Variants in NBPF9 observed in about 807,000 individuals in gnomAD.
NBPF9 encodes NBPF member 9, also known as NBPF family member NBPF9.
In NBPF9, 91 loss-of-function variants were observed where a neutral mutation model predicts 97.8. The observed-to-expected ratio is 0.93, with a 90% CI of 0.79 to 1.11. NBPF9 has a LOEUF of 1.11. NBPF9 is among the 50% of genes least tolerant of loss of function. The pLI is 0.00. For synonymous variants in NBPF9, 334 were observed against 359.5 expected (o/e 0.93, Z 0.80); for missense variants, 992 against 939.5 (o/e 1.06, Z -0.73).
At chr1:149,059,529 G>A (rs2152866333) in intron 25 of NBPF9, 171 bp downstream of exon 25, 3 of 421,774 alleles carry the variant, frequency 7.1e-6, no homozygotes, top group East Asian at 6.8e-5. Context: ...ATGATAAGGG[G>A]AGGAAGAAAT....
chr1:149,076,812 CTTA>C (rs2079914766), intron 11 of NBPF9, among the ~76,000 whole-genome samples: 1 of 151,598 alleles, frequency 6.6e-6, no homozygotes, highest in African/African-American at 2.4e-5. Flanking sequence ...CCAGCCGAGA[CTTA>C]TTAATAGCTA....
intron 14 of NBPF9, among the ~76,000 whole-genome samples, chr1:149,072,036 A>C (rs322067): frequency 0.18 from 23,703 of 132,300 alleles, 1,944 homozygotes; most frequent in East Asian, 0.39. Context: ...TTTCAAACCT[A>C]ATTCTTTCTC....
At chr1:149,099,999 T>A (rs1553245603) in intron 3 of NBPF9, among the ~76,000 whole-genome samples, 6 of 143,906 alleles carry the variant, frequency 4.2e-5, no homozygotes, top group South Asian at 2.3e-4. Flanking sequence ...AAAAAAAAAA[T>A]GGTTCGATGT....
Position 149,055,954 on chromosome 1 carries a change from GC to G in NBPF9, c.3093-56del, listed in dbSNP as rs1341687041. ...GCCAGGGAAAATCAGACACCACAGA[GC>G]CCCACTAGATTTCAGAAGTAACATA... On this transcript the variant is annotated intron_variant, in intron 29 of 29. Coordinates refer to ENST00000584027, the Ensembl canonical transcript of NBPF9. 11 of 1,611,568 alleles carry G rather than the reference GC, an allele frequency of 6.8e-6. No individual in the cohort carries two copies. In the African/African-American group the frequency reaches 1.5e-4, roughly 22 times the overall value.
intron 9 of NBPF9, among the ~76,000 whole-genome samples, 154 bp downstream of exon 9, chr1:149,078,853 T>C (rs1417074381): frequency 6.6e-6 from 1 of 151,150 alleles, no homozygotes; most frequent in Non-Finnish European, 1.5e-5. Flanking sequence ...GTTTCCCATC[T>C]CTGTTCTTAC....
chr1:149,062,386 G>A (rs2078675135), intron 21 of NBPF9, 121 bp from the exon 22 acceptor site: 3 of 666,852 alleles, frequency 4.5e-6, no homozygotes, highest in East Asian at 2.7e-5. Context: ...ATCCATTAAT[G>A]AGGTAATGAA....
At chr1:149,062,227 A>G (rs781829106) in exon 22 of NBPF9, 7 of 958,534 alleles carry the variant, frequency 7.3e-6, no homozygotes, top group Admixed American at 1.7e-5. Context: ...GTCCTGCAAG[A>G]CTTCAGGCTC....
At chr1:149,084,568 C>T (rs9441102) in intron 5 of NBPF9, among the ~76,000 whole-genome samples, 3 of 150,186 alleles carry the variant, frequency 2.0e-5, no homozygotes, top group Non-Finnish European at 3.0e-5. Flanking sequence ...CCAGCAGCAG[C>T]GACCAGAGGA....
exon 20 of NBPF9, chr1:149,063,635 T>G (rs1553650695): frequency 4.9e-6 from 3 of 612,398 alleles, no homozygotes; most frequent in Non-Finnish European, 8.5e-6. Context: ...GTACTCACCA[T>G]CCATGTCAAC....
exon 7 of NBPF9, chr1:149,082,029 G>C (rs1553656917): frequency 6.2e-7 from 1 of 1,609,982 alleles, no homozygotes; most frequent in East Asian, 2.2e-5. Context: ...TCTCTTTGAG[G>C]TTTCCGAACT....
At position 149,097,399 on chromosome 1, in the gene NBPF9, A is replaced by G. The variant is rs541431; in HGVS notation, c.-337+1039T>C. Among the ~76,000 whole-genome samples the G allele has an allele frequency of 3.3e-3, 497 of 152,268 alleles. 8 individuals carry two copies. The highest frequency in any genetic ancestry group is 0.011 in the African/African-American group (466 of 41,538). ...ATTCCTCTGGCCCACTGTTGCCAGA[A>G]ACACTGAGTCTTGTCTTTGGATAAG... On this transcript the variant is annotated intron_variant, in intron 4 of 29. Coordinates refer to ENST00000584027, the Ensembl canonical transcript of NBPF9.
intron 5 of NBPF9, among the ~76,000 whole-genome samples, chr1:149,083,088 G>A (rs1377598441): frequency 1.3e-5 from 2 of 150,522 alleles, no homozygotes; most frequent in Non-Finnish European, 2.9e-5. Context: ...GATTACAGGC[G>A]TGAGCCACCG....
chr1:149,068,136 T>A (rs1329449708), intron 17 of NBPF9, among the ~76,000 whole-genome samples: 3 of 148,196 alleles, frequency 2.0e-5, no homozygotes, highest in African/African-American at 7.6e-5. Flanking sequence ...GCACTAAACA[T>A]GGAAAGGAAC....
At chr1:149,055,811 C>G in exon 30 of NBPF9, 2 of 1,610,344 alleles carry the variant, frequency 1.2e-6, no homozygotes, top group Non-Finnish European at 1.7e-6. Flanking sequence ...TCAGGTAGTT[C>G]AAAGTACATT....
At position 149,059,620 on chromosome 1, in the gene NBPF9, C is replaced by A; in HGVS notation, c.2585+80G>T. ...TCAGCCTTCGTTGAAAACGTGACAT[C>A]AAACACACTCTGGTTTCCCTGAATC... On this transcript the variant is annotated intron_variant, in intron 25 of 29. Transcript: ENST00000584027. 3 of 535,146 alleles carry A rather than the reference C, an allele frequency of 5.6e-6. No homozygotes were observed. The East Asian group carries it at 7.7e-5, about 14-fold the overall frequency. The allele number at this position is 535,146 out of a possible 1,614,324, so 33.1% of individuals were successfully genotyped here.
chr1:149,054,058 C>T (rs1369008218), exon 30 of NBPF9: 4 of 150,138 alleles, frequency 2.7e-5, no homozygotes, highest in Non-Finnish European at 4.4e-5. Flanking sequence ...TTTATTAATT[C>T]GCATCAGTAC....
At chr1:149,087,031 C>T (rs1458892785) in intron 5 of NBPF9, among the ~76,000 whole-genome samples, 8 of 151,942 alleles carry the variant, frequency 5.3e-5, no homozygotes, top group African/African-American at 1.7e-4. Context: ...TCCTCACCAA[C>T]AGGTGCTATT....
chr1:149,062,341 T>A lies in NBPF9; in HGVS notation c.2079-76A>T, dbSNP rs587599084. On this transcript the variant is annotated intron_variant, in intron 21 of 29. Transcript: ENST00000584027. ...CACAGCCCCAGCTAGATTTCATGGC[T>A]AACATAAGGAACTGTTTAAAAAGAA... The A allele has an allele frequency of 7.7e-5, 47 of 613,344 alleles. 1 individual carries two copies. In the African/African-American group the frequency reaches 8.7e-4, roughly 11 times the overall value. The allele number at this position is 613,344 out of a possible 1,614,324, so 38.0% of individuals were successfully genotyped here.
At position 149,079,356 on chromosome 1, in the gene NBPF9, G is replaced by A. The variant is rs2080201874; in HGVS notation, c.279-135C>T. ...AAGGTCAGCACATGTTGAAAGGAAT[G>A]TCTGTGGCCAAGAGAAAGAATAGAA... On this transcript the variant is annotated intron_variant, in intron 8 of 29. Transcript: ENST00000584027. 13 of 912,926 alleles carry A rather than the reference G, an allele frequency of 1.4e-5. No homozygotes were observed. In the East Asian group the frequency reaches 3.2e-4, roughly 22 times the overall value. The allele number at this position is 912,926 out of a possible 1,614,324, so 56.6% of individuals were successfully genotyped here.
Sources: gnomAD v4.1 joint callset for allele counts (sites outside exome capture counted in the v4.1 genomes callset) on GRCh38, gnomAD v4.1.1 for gene constraint, MANE v1.5 for transcripts, NCBI Gene and HGNC (gene_info 2026-07-23, HGNC 2026-07-21) for gene names.